QRFPR: variants seen among roughly 807,000 people sequenced by gnomAD.
QRFPR encodes the protein pyroglutamylated RFamide peptide receptor.
A neutral mutation model predicts 31.3 loss-of-function variants in QRFPR; 37 were observed. That is an observed-to-expected ratio of 1.18 (90% CI 0.91 to 1.56). The LOEUF (loss-of-function observed/expected upper bound fraction) is 1.56. Ranked by LOEUF, QRFPR falls within the 40% of genes most tolerant of loss-of-function variation. The pLI is 0.00. For missense variants in QRFPR, 542 were observed against 532.5 expected, an observed-to-expected ratio of 1.02 and a Z score of -0.18; for synonymous variants, 197 against 192.0, an observed-to-expected ratio of 1.03 and a Z score of -0.22.
At chr4:121,341,234 T>C (rs1321505791) in intron 1 of QRFPR, among the ~76,000 whole-genome samples, 1 of 152,232 alleles carries the variant, frequency 6.6e-6, no homozygotes, top group Non-Finnish European at 1.5e-5. Flanking sequence ...GTCAATCTTT[T>C]AAAATGTTTA....
At chr4:121,371,075 C>T (rs1430212872) in intron 1 of QRFPR, among the ~76,000 whole-genome samples, 1 of 152,194 alleles carries the variant, frequency 6.6e-6, no homozygotes, top group East Asian at 1.9e-4. Context: ...TTTGATTCCA[C>T]AATCCATGTT....
intron 1 of QRFPR, among the ~76,000 whole-genome samples, chr4:121,355,947 A>G (rs1725861245): frequency 6.6e-6 from 1 of 152,108 alleles, no homozygotes; most frequent in Non-Finnish European, 1.5e-5. Context: ...TCATTTTTCA[A>G]AAAAATTTTG....
chr4:121,369,688 T>C, intron 1 of QRFPR: 1 of 1,583,052 alleles, frequency 6.3e-7, no homozygotes, highest in Non-Finnish European at 8.7e-7. Context: ...CCCACTTATC[T>C]GACAAGTTTC....
At chr4:121,365,574 A>ATATAT (rs1726100289) in intron 1 of QRFPR, among the ~76,000 whole-genome samples, 6 of 19,638 alleles carry the variant, frequency 3.1e-4, no homozygotes, top group African/African-American at 1.8e-3. Flanking sequence ...ATTATATATA[A>ATATAT]TATATATTAT....
intron 1 of QRFPR, 52 bp from the exon 2 acceptor site, chr4:121,340,662 T>C: frequency 6.5e-7 from 1 of 1,543,898 alleles, no homozygotes; most frequent in Middle Eastern, 1.7e-4. Flanking sequence ...AGAATAAAGG[T>C]TTCATCTGTG....
intron 1 of QRFPR, chr4:121,370,143 G>A: frequency 1.3e-6 from 1 of 766,184 alleles, no homozygotes; most frequent in Non-Finnish European, 2.4e-6. Flanking sequence ...CTCCACCTTG[G>A]TGAGGTGCTG....
chr4:121,371,058 A>C (rs1258502913), intron 1 of QRFPR, among the ~76,000 whole-genome samples: 2 of 152,216 alleles, frequency 1.3e-5, no homozygotes, highest in Non-Finnish European at 2.9e-5. Flanking sequence ...ATTAGAACCC[A>C]ATATTGTTTG....
At chr4:121,378,658 C>T (rs914056626) in intron 1 of QRFPR, among the ~76,000 whole-genome samples, 37 of 152,010 alleles carry the variant, frequency 2.4e-4, no homozygotes, top group Admixed American at 7.9e-4. Context: ...CTCATGACCT[C>T]GTGATCCGCC....
chr4:121,375,666 G>A (rs1329920736), intron 1 of QRFPR, among the ~76,000 whole-genome samples: 2 of 152,186 alleles, frequency 1.3e-5, no homozygotes, highest in Admixed American at 6.5e-5. Flanking sequence ...CAGCAAAGAA[G>A]TGAGAGTCAT....
chr4:121,350,953 G>A (rs1725750969), intron 1 of QRFPR, among the ~76,000 whole-genome samples: 1 of 152,024 alleles, frequency 6.6e-6, no homozygotes, highest in Non-Finnish European at 1.5e-5. Context: ...TTTCTTCCAG[G>A]TTTCATTTAT....
Position 121,329,162 on chromosome 4 carries a change from G to A in QRFPR, c.*152C>T, listed in dbSNP as rs1176496318. ...ATTGGTTGTAAACATCACTGCACTT[G>A]GACTAGCCTCGTGTCATTTTTTAAT... On this transcript the variant is annotated 3_prime_UTR_variant, in exon 6 of 6. Transcript: ENST00000394427. 3.6e-5 allele frequency: 22 copies of A among 610,260 alleles called. No homozygotes were observed. The highest frequency in any genetic ancestry group is 5.8e-5 in the Non-Finnish European group (21 of 363,902). The allele number at this position is 610,260 out of a possible 1,614,324, so 37.8% of individuals were successfully genotyped here.
intron 1 of QRFPR, chr4:121,369,600 G>C: frequency 6.2e-7 from 1 of 1,611,262 alleles, no homozygotes; most frequent in South Asian, 1.1e-5. Flanking sequence ...ATTGGAGAGG[G>C]CTTCTGGGCT....
rs764359077 is a variant in QRFPR at position 121,380,518 on chromosome 4, C to G, written c.130G>C (p.Ala44Pro). 2 of 1,613,644 alleles carry G rather than the reference C, an allele frequency of 1.2e-6. No homozygotes were observed. Among genetic ancestry groups the G allele is most frequent in the African/African-American group, 2.7e-5 (2 of 75,068 alleles). The change falls in exon 1 of 6, where the codon GCC (alanine) becomes CCC (proline). Residue 44 changes from alanine (A) to proline (P), a missense_variant. Transcript: ENST00000394427. ...CCGGTGAGCACGAGGGCCAGCTTGG[C>G]GCGTCCCGGCAGCTCTGGGGTGTAG... ...LVYTPELPGRAKLALVLTGVL... is the reference protein window; with the variant it reads ...LVYTPELPGRPKLALVLTGVL...
At chr4:121,363,461 T>C (rs1371609651) in intron 1 of QRFPR, among the ~76,000 whole-genome samples, 1 of 150,242 alleles carries the variant, frequency 6.7e-6, no homozygotes, top group Non-Finnish European at 1.5e-5. Flanking sequence ...ACATGAACCA[T>C]CATTGCTACA....
At chr4:121,333,402 AAAT>A (rs1725373691) in intron 3 of QRFPR, among the ~76,000 whole-genome samples, 2 of 152,218 alleles carry the variant, frequency 1.3e-5, no homozygotes. Flanking sequence ...ATATACTGAA[AAAT>A]ATTTTGCAAT....
intron 1 of QRFPR, among the ~76,000 whole-genome samples, chr4:121,378,587 G>A (rs1726404558): frequency 6.6e-6 from 1 of 151,682 alleles, no homozygotes. Context: ...CTAATTTTTT[G>A]TTGTTGTTTG....
At chr4:121,360,122 C>T (rs529443670) in intron 1 of QRFPR, among the ~76,000 whole-genome samples, 165 of 152,266 alleles carry the variant, frequency 1.1e-3, no homozygotes, top group African/African-American at 3.9e-3. Flanking sequence ...CTTTCAGTAA[C>T]TGTGTTTACT....
At chr4:121,354,307 A>C (rs773662824) in intron 1 of QRFPR, among the ~76,000 whole-genome samples, 29 of 151,984 alleles carry the variant, frequency 1.9e-4, no homozygotes, top group Admixed American at 4.6e-4. Flanking sequence ...GGCAGTATGA[A>C]CACTTAATAG....
intron 1 of QRFPR, among the ~76,000 whole-genome samples, chr4:121,365,570 TATA>T (rs1726098905): frequency 3.5e-4 from 1 of 2,880 alleles, no homozygotes; most frequent in Non-Finnish European, 5.8e-4. Context: ...ATATATTATA[TATA>T]ATATATATTA....
Sources: gnomAD v4.1 joint callset for allele counts (sites outside exome capture counted in the v4.1 genomes callset) on GRCh38, gnomAD v4.1.1 for gene constraint, MANE v1.5 for transcripts, NCBI Gene and HGNC (gene_info 2026-07-23, HGNC 2026-07-21) for gene names.